The following FSIP2 variants were observed in gnomAD, a reference collection of about 807,000 sequenced individuals.
FSIP2 encodes the protein fibrous sheath interacting protein 2, also known as fibrous sheath-interacting protein 2.
In FSIP2, 367 loss-of-function variants were observed where a neutral mutation model predicts 510.5. The observed-to-expected ratio is 0.72, with a 90% CI of 0.66 to 0.78. FSIP2 has a LOEUF of 0.78. Among genes scored for constraint, FSIP2 ranks in the 30% least tolerant of loss-of-function variants. The pLI, the probability that FSIP2 is intolerant of heterozygous loss-of-function variation, is 0.00. For missense variants in FSIP2, 7,594 were observed against 7,901.7 expected (o/e 0.96, Z 1.48); for synonymous variants, 2,601 against 2,732.2 (o/e 0.95, Z 1.50).
chr2:185,748,064 A>T (rs542281664), intron 7 of FSIP2, among the ~76,000 whole-genome samples: 1 of 152,190 alleles, frequency 6.6e-6, no homozygotes, highest in East Asian at 1.9e-4. Flanking sequence ...ATTGTTAACA[A>T]ACCTAGGTAT....
At chr2:185,828,045 T>G in intron 20 of FSIP2, 111 bp from the exon 21 acceptor site, 1 of 671,786 alleles carries the variant, frequency 1.5e-6, no homozygotes, top group South Asian at 1.9e-5. Context: ...TCGACCTGCC[T>G]AAACTATATG....
At chr2:185,765,687 A>T (rs1429086939) in intron 13 of FSIP2, 1 of 151,932 alleles carries the variant, frequency 6.6e-6, no homozygotes, top group Non-Finnish European at 1.5e-5. Flanking sequence ...GAAGAAAGTC[A>T]TCGGTAGCTT....
intron 13 of FSIP2, among the ~76,000 whole-genome samples, chr2:185,776,520 A>G (rs561829454): frequency 1.3e-5 from 2 of 152,264 alleles, no homozygotes; most frequent in South Asian, 4.1e-4. Flanking sequence ...AATTGATATC[A>G]GAAAATTAAA....
At position 185,797,013 on chromosome 2, in the gene FSIP2, G is replaced by A. The variant is rs748234391; in HGVS notation, c.9877G>A (p.Glu3293Lys). Residue 3293 changes from glutamate (E) to lysine (K), a missense_variant, in exon 16 of 23, where the codon GAA (glutamate) becomes AAA (lysine). Physicochemically the swap from Glu to Lys is moderately conservative, Grantham distance 56 (BLOSUM62 1). Coordinates refer to ENST00000424728, the MANE Select transcript of FSIP2 (RefSeq NM_173651.4). ...AALKQVLSFI[E>K]MGKGENLRVF... is the part of the protein sequence containing the mutation. Reference sequence around the variant, plus strand: ...ATTAAAGCAAGTCTTGTCATTCATAGAAATGGGAAAAGGTGAAAATCTAAG... The same window carrying A: ...ATTAAAGCAAGTCTTGTCATTCATAAAAATGGGAAAAGGTGAAAATCTAAG... 8.5e-6 allele frequency: 13 copies of A among 1,535,112 alleles called. No homozygotes were observed. The highest frequency in any genetic ancestry group is 6.1e-6 in the Non-Finnish European group (7 of 1,146,310).
intron 16 of FSIP2, among the ~76,000 whole-genome samples, chr2:185,798,160 G>C (rs369506901): frequency 6.6e-6 from 1 of 151,822 alleles, no homozygotes; most frequent in East Asian, 1.9e-4. Flanking sequence ...AATTTGGAAG[G>C]GTTTTTAAAA....
chr2:185,781,230 C>T (rs1692842766), intron 13 of FSIP2, among the ~76,000 whole-genome samples: 1 of 152,070 alleles, frequency 6.6e-6, no homozygotes, highest in Non-Finnish European at 1.5e-5. Flanking sequence ...ACAACCATTC[C>T]GTTTTTCACT....
intron 17 of FSIP2, among the ~76,000 whole-genome samples, chr2:185,811,386 T>C (rs1379483837): frequency 6.6e-6 from 1 of 151,392 alleles, no homozygotes; most frequent in African/African-American, 2.4e-5. Flanking sequence ...TGAGAATCAC[T>C]TGAACCTGGG....
chr2:185,769,385 A>G (rs1692562361), intron 13 of FSIP2, among the ~76,000 whole-genome samples: 1 of 152,110 alleles, frequency 6.6e-6, no homozygotes, highest in African/African-American at 2.4e-5. Context: ...ATGATCAGTG[A>G]TATTGGGCTT....
intron 13 of FSIP2, among the ~76,000 whole-genome samples, chr2:185,778,432 T>G (rs868161409): frequency 7.2e-5 from 11 of 152,094 alleles, no homozygotes; most frequent in Admixed American, 2.0e-4. Flanking sequence ...TCAAAAAACT[T>G]GCAATATAAT....
At chr2:185,814,072 A>G (rs2105667786) in intron 18 of FSIP2, 30 bp downstream of exon 18, 4 of 1,571,964 alleles carry the variant, frequency 2.5e-6, no homozygotes, top group Non-Finnish European at 3.4e-6. Flanking sequence ...GTTAGTGACT[A>G]GAAAGGGGAG....
chr2:185,767,331 TAAAAAAA>T (rs1449185055), intron 13 of FSIP2, among the ~76,000 whole-genome samples: 4 of 151,020 alleles, frequency 2.6e-5, no homozygotes, highest in Admixed American at 6.6e-5. Flanking sequence ...AAAATAAAAA[TAAAAAAA>T]TAAAAAATAA....
Position 185,801,923 on chromosome 2 carries a change from C to T in FSIP2, c.12617C>T (p.Thr4206Ile), listed in dbSNP as rs1693447049. ...FTIYDNQYLY[T>I]GKNLQKMVDS... ...ATATATGATAATCAATATCTATATACTGGAAAAAACCTCCAAAAGATGGTG... is the reference window on the plus strand; with the variant it reads ...ATATATGATAATCAATATCTATATATTGGAAAAAACCTCCAAAAGATGGTG... Residue 4206 changes from threonine to isoleucine, a missense_variant, in exon 17 of 23, where the codon ACT (threonine) becomes ATT (isoleucine). Thr to Ile is a moderately conservative substitution (Grantham distance 89). Coordinates refer to ENST00000424728, the MANE Select transcript of FSIP2 (RefSeq NM_173651.4). 2.6e-6 allele frequency: 4 copies of T among 1,512,012 alleles called. No homozygotes were observed. The highest frequency in any genetic ancestry group is 2.5e-5 in the East Asian group (1 of 40,712). 93.7% of individuals were successfully genotyped at this position (1,512,012 alleles called of 1,614,324 possible).
rs1693059703 is a variant in FSIP2, at chr2:185,789,228, T to TG, written c.2093dup (p.Cys698TrpfsTer8). 1.3e-6 allele frequency: 2 copies of TG among 1,534,440 alleles called. No individual in the cohort carries two copies. The highest frequency in any genetic ancestry group is 3.9e-5 in the Admixed American group (2 of 50,854). ...AAAAAATGTTTTTGTTAACTTTAAA[T>TG]GTTACTTGAAAGGGGAAACTGAAGT... is the stretch of plus-strand genomic sequence containing the variant. On this transcript the variant is annotated frameshift_variant, in exon 16 of 23. Coordinates refer to ENST00000424728, the MANE Select transcript of FSIP2 (RefSeq NM_173651.4). LOFTEE classifies it high-confidence loss of function.
At chr2:185,817,060 C>A (rs1489311688) in intron 19 of FSIP2, among the ~76,000 whole-genome samples, 1 of 151,622 alleles carries the variant, frequency 6.6e-6, no homozygotes, top group African/African-American at 2.4e-5. Flanking sequence ...AAAACACATT[C>A]AAAATAGTTA....
chr2:185,833,022 T>C (rs1694135339), intron 22 of FSIP2, 68 bp from the exon 23 acceptor site: 10 of 1,432,420 alleles, frequency 7.0e-6, no homozygotes, highest in Non-Finnish European at 7.8e-6. Flanking sequence ...CATATGACCT[T>C]AGGCAAGGTA....
rs374520767 is a variant in FSIP2 at position 185,808,967 on chromosome 2, T to G, written c.19661T>G (p.Leu6554Arg). 247 of 1,610,292 alleles carry G rather than the reference T, an allele frequency of 1.5e-4. No individual in the cohort carries two copies. The highest frequency in any genetic ancestry group is 1.9e-4 in the Non-Finnish European group (223 of 1,178,942). The change falls in exon 17 of 23, where the codon CTT becomes CGT. Residue 6554 changes from leucine to arginine, a missense_variant. By Grantham distance (102) the Leu-to-Arg change is moderately radical. Transcript: ENST00000424728. ...ATAAAAACTCAACCTCTTGAGAAAC[T>G]TAAGCAGGAGTGTTTGAAAAGAACT... ...ISIKTQPLEK[L>R]KQECLKRTGH...
chr2:185,826,986 A>G (rs942810051), intron 20 of FSIP2, among the ~76,000 whole-genome samples: 2 of 151,822 alleles, frequency 1.3e-5, no homozygotes, highest in African/African-American at 4.8e-5. Context: ...AAATATCAGG[A>G]ATTTTTCTGT....
In FSIP2 at chr2:185,808,780, G is replaced by C; in HGVS notation, c.19474G>C (p.Ala6492Pro). The change falls in exon 17 of 23, where the codon GCC (alanine) becomes CCC (proline). Residue 6492 changes from alanine (A) to proline (P), a missense_variant. Transcript: ENST00000424728. ...ELDVNRIVQK[A>P]QEHAFNVIPE... ...AGACGTTAATAGAATTGTTCAAAAG[G>C]CCCAAGAACATGCTTTTAATGTGAT... is the stretch of plus-strand genomic sequence containing the variant. 2 of 1,612,590 alleles carry C rather than the reference G, an allele frequency of 1.2e-6. No homozygotes were observed. The highest frequency in any genetic ancestry group is 1.7e-6 in the Non-Finnish European group (2 of 1,179,408).
At chr2:185,749,688 T>TA (rs1692104848) in intron 7 of FSIP2, among the ~76,000 whole-genome samples, 1 of 151,850 alleles carries the variant, frequency 6.6e-6, no homozygotes, top group Admixed American at 6.6e-5. Flanking sequence ...GAAGCAGACA[T>TA]ACTAGCTATT....
Sources: gnomAD v4.1 joint callset for allele counts (sites outside exome capture counted in the v4.1 genomes callset) on GRCh38, gnomAD v4.1.1 for gene constraint, MANE v1.5 for transcripts, NCBI Gene and HGNC (gene_info 2026-07-23, HGNC 2026-07-21) for gene names.